Variants in FAM222B observed in about 807,000 individuals in gnomAD.
The protein encoded by FAM222B is family with sequence similarity 222 member B.
A neutral mutation model predicts 38.0 loss-of-function variants in FAM222B; 12 were observed. That is an observed-to-expected ratio of 0.32 (90% CI 0.20 to 0.51). FAM222B has a LOEUF of 0.51. Ranked by LOEUF, FAM222B falls within the 20% of genes least tolerant of loss-of-function variation. The pLI is 0.97. For synonymous variants in FAM222B, 329 were observed against 317.2 expected (o/e 1.04, Z -0.40); for missense variants, 716 against 754.2 (o/e 0.95, Z 0.59).
chr17:28,779,719 C>G (rs974406199), intron 1 of FAM222B, among the ~76,000 whole-genome samples: 7 of 151,664 alleles, frequency 4.6e-5, no homozygotes, highest in African/African-American at 1.7e-4. Context: ...CCACTGCTCT[C>G]TGGCCTGGGC....
At chr17:28,830,782 T>C (rs1360378593) in intron 1 of FAM222B, among the ~76,000 whole-genome samples, 1 of 151,332 alleles carries the variant, frequency 6.6e-6, no homozygotes, top group African/African-American at 2.4e-5. Flanking sequence ...GCCCAGGAGT[T>C]TGAGACCAGC....
chr17:28,839,210 AAAT>A (rs2038952589), intron 1 of FAM222B, among the ~76,000 whole-genome samples: 1 of 152,104 alleles, frequency 6.6e-6, no homozygotes, highest in Non-Finnish European at 1.5e-5. Flanking sequence ...CCGTCTCAAA[AAAT>A]AATAATAATG....
chr17:28,834,201 T>G (rs1371139316), intron 1 of FAM222B: 1 of 152,200 alleles, frequency 6.6e-6, no homozygotes, highest in East Asian at 1.9e-4. Context: ...CCAACTAGTC[T>G]CCCTACAATC....
chr17:28,761,513 G>C (rs1183894464), intron 2 of FAM222B, among the ~76,000 whole-genome samples: 1 of 152,194 alleles, frequency 6.6e-6, no homozygotes, highest in Non-Finnish European at 1.5e-5. Flanking sequence ...AGGTGGCCTT[G>C]GCCCAAAGGA....
At chr17:28,771,521 A>C (rs2035633180) in intron 1 of FAM222B, among the ~76,000 whole-genome samples, 2 of 151,846 alleles carry the variant, frequency 1.3e-5, no homozygotes, top group African/African-American at 4.8e-5. Flanking sequence ...CTCTACTCAA[A>C]ATACAAAAAA....
chr17:28,797,511 A>C (rs116525935), intron 1 of FAM222B, among the ~76,000 whole-genome samples: 267 of 152,342 alleles, frequency 1.8e-3, no homozygotes, highest in African/African-American at 6.1e-3. Context: ...AGCAATTATC[A>C]TTCATCAGGA....
At chr17:28,818,876 C>T (rs1374631265) in intron 1 of FAM222B, among the ~76,000 whole-genome samples, 1 of 152,186 alleles carries the variant, frequency 6.6e-6, no homozygotes, top group African/African-American at 2.4e-5. Context: ...ACTTGTGAAT[C>T]GAGCATGATT....
chr17:28,833,029 A>G (rs1452362572), intron 1 of FAM222B, among the ~76,000 whole-genome samples: 2 of 150,852 alleles, frequency 1.3e-5, no homozygotes, highest in African/African-American at 4.9e-5. Context: ...AAAAAAAAAA[A>G]AAAAGGAAAG....
intron 1 of FAM222B, among the ~76,000 whole-genome samples, chr17:28,814,611 T>A (rs1386716076): frequency 4.0e-5 from 6 of 151,868 alleles, no homozygotes; most frequent in Admixed American, 6.6e-5. Context: ...AAATTACAGG[T>A]GCACACCACC....
intron 1 of FAM222B, among the ~76,000 whole-genome samples, chr17:28,813,478 T>C (rs1026642936): frequency 6.6e-6 from 1 of 152,130 alleles, no homozygotes; most frequent in African/African-American, 2.4e-5. Flanking sequence ...GATAATTATA[T>C]GGAAGTAATG....
chr17:28,778,157 G>C (rs1306049915), intron 1 of FAM222B, among the ~76,000 whole-genome samples: 1 of 151,894 alleles, frequency 6.6e-6, no homozygotes, highest in Non-Finnish European at 1.5e-5. Flanking sequence ...AGGTATACAT[G>C]TGCCATGGTA....
At chr17:28,814,770 C>CTTTT (rs35921944) in intron 1 of FAM222B, among the ~76,000 whole-genome samples, 6 of 117,574 alleles carry the variant, frequency 5.1e-5, no homozygotes, top group South Asian at 5.7e-4. Flanking sequence ...CCAGGCCGAT[C>CTTTT]TTTTTTTTTT....
chr17:28,813,022 C>CGGGGG (rs71359255), intron 1 of FAM222B, among the ~76,000 whole-genome samples: 1 of 894 alleles, frequency 1.1e-3, no homozygotes, highest in Non-Finnish European at 2.7e-3. Flanking sequence ...AGAAATTAAG[C>CGGGGG]GGGGGGGGGG....
chr17:28,816,802 C>G lies in FAM222B; in HGVS notation c.-41+25880G>C, dbSNP rs144427441. Among the ~76,000 whole-genome samples, 231 of 152,170 alleles carry G rather than the reference C, an allele frequency of 1.5e-3. 1 individual carries two copies. The highest frequency in any genetic ancestry group is 5.3e-3 in the African/African-American group (222 of 41,536). On this transcript the variant is annotated intron_variant, in intron 1 of 2. Coordinates refer to ENST00000581407, the MANE Select transcript of FAM222B (RefSeq NM_001077498.3). Reference sequence around the variant, plus strand: ...TATTGTTCATTAGACTTCAAGAGAACAGTAGGCCTGAGAAAAACACTGTGG... The same window carrying G: ...TATTGTTCATTAGACTTCAAGAGAAGAGTAGGCCTGAGAAAAACACTGTGG...
In FAM222B at chr17:28,757,392, T is replaced by C. The variant is rs1597824177; in HGVS notation, c.*878A>G. On this transcript the variant is annotated 3_prime_UTR_variant, in exon 3 of 3. Transcript: ENST00000581407. ...ACCAAATGCATTTTTTTTTTTTTGG[T>C]GTTTTTAATCCCAAACTCCAATGTG... 6.6e-6 allele frequency: 1 copy of C among 150,650 alleles called. No individual in the cohort carries two copies. Among genetic ancestry groups the C allele is most frequent in the South Asian group, 2.1e-4 (1 of 4,718 alleles). 9.3% of individuals were successfully genotyped at this position (150,650 alleles called of 1,614,324 possible).
At chr17:28,812,504 C>A (rs2037829979) in intron 1 of FAM222B, 1 of 152,224 alleles carries the variant, frequency 6.6e-6, no homozygotes, top group Middle Eastern at 3.1e-3. Flanking sequence ...TCTTCGCGAG[C>A]CCTCTCCTGT....
chr17:28,768,858 AAAGAG>A (rs1359830163), intron 1 of FAM222B, among the ~76,000 whole-genome samples: 4 of 151,196 alleles, frequency 2.6e-5, no homozygotes, highest in Non-Finnish European at 4.4e-5. Flanking sequence ...AAAAAAAAAA[AAAGAG>A]AGACTTCTGT....
At chr17:28,763,766 TG>T (rs2035194795) in intron 2 of FAM222B, among the ~76,000 whole-genome samples, 1 of 152,220 alleles carries the variant, frequency 6.6e-6, no homozygotes. Context: ...TTTTGAGGAA[TG>T]GGTGACAACA....
At chr17:28,766,135 T>C (rs1218912128) in intron 2 of FAM222B, among the ~76,000 whole-genome samples, 1 of 152,082 alleles carries the variant, frequency 6.6e-6, no homozygotes, top group African/African-American at 2.4e-5. Context: ...AAAATTGAGA[T>C]ACAATGGGGA....
Sources: gnomAD v4.1 joint callset for allele counts (sites outside exome capture counted in the v4.1 genomes callset) on GRCh38, gnomAD v4.1.1 for gene constraint, MANE v1.5 for transcripts, NCBI Gene and HGNC (gene_info 2026-07-23, HGNC 2026-07-21) for gene names.